Variants in CLEC16A observed in about 807,000 individuals in gnomAD.
CLEC16A encodes the protein protein CLEC16A.
CLEC16A carries 51 observed loss-of-function variants against 109.5 expected under a neutral mutation model. That is an observed-to-expected ratio of 0.47 (90% CI 0.37 to 0.59). The LOEUF (loss-of-function observed/expected upper bound fraction) is 0.59. CLEC16A is among the 20% of genes least tolerant of loss of function. CLEC16A has a pLI of 0.00. For synonymous variants in CLEC16A, 673 were observed against 564.2 expected (o/e 1.19, Z -2.73); for missense variants, 1,339 against 1,394.0 (o/e 0.96, Z 0.63).
intron 13 of CLEC16A, among the ~76,000 whole-genome samples, chr16:11,029,518 G>A (rs1250185352): frequency 6.7e-6 from 1 of 148,360 alleles, no homozygotes; most frequent in East Asian, 1.9e-4. Context: ...CTTTGCTGAG[G>A]CCCGGATACT....
Position 11,024,824 on chromosome 16 carries a change from CT to C in CLEC16A, c.1442del (p.Phe481SerfsTer39). The C allele has an allele frequency of 6.3e-7, 1 of 1,597,246 alleles. No homozygotes were observed. Among genetic ancestry groups the C allele is most frequent in the Non-Finnish European group, 8.5e-7 (1 of 1,171,450 alleles). ...CSESTQWSRPFLDMVYHALDS... is the reference protein window; with the variant it reads ...CSESTQWSRPXLDMVYHALDS... ...ACATGCCCCTCCTCTTTTCCAGACC[CT>C]TCCTGGATATGGTGTACCACGCGCT... On this transcript the variant is annotated frameshift_variant, in exon 13 of 24. Coordinates refer to ENST00000409790, the MANE Select transcript of CLEC16A (RefSeq NM_015226.3). LOFTEE classifies it high-confidence loss of function.
intron 2 of CLEC16A, among the ~76,000 whole-genome samples, chr16:10,959,556 T>G (rs1161518920): frequency 6.8e-6 from 1 of 146,748 alleles, no homozygotes; most frequent in Non-Finnish European, 1.5e-5. Flanking sequence ...CACGTGGGGC[T>G]AATTTTTGTA....
At chr16:11,027,519 C>G (rs1348370562) in intron 13 of CLEC16A, 84 of 1,575,790 alleles carry the variant, frequency 5.3e-5, no homozygotes, top group Non-Finnish European at 6.9e-6. Flanking sequence ...TAAGACCATC[C>G]CTCTGACAGA....
chr16:11,163,040 C>G (rs888417961), intron 22 of CLEC16A, among the ~76,000 whole-genome samples: 1 of 152,244 alleles, frequency 6.6e-6, no homozygotes, highest in East Asian at 1.9e-4. Flanking sequence ...CGCACGATCT[C>G]TGGCTTGTCT....
intron 8 of CLEC16A, 69 bp downstream of exon 8, chr16:10,977,468 C>T: frequency 7.4e-7 from 1 of 1,358,196 alleles, no homozygotes; most frequent in South Asian, 1.3e-5. Context: ...TCCCCAGTCC[C>T]CTGGAATGGG....
intron 10 of CLEC16A, among the ~76,000 whole-genome samples, chr16:10,993,022 T>C (rs1003275013): frequency 3.9e-5 from 6 of 151,952 alleles, no homozygotes; most frequent in South Asian, 2.1e-4. Context: ...GTTGGGTGTA[T>C]ATGGGATCAG....
intron 22 of CLEC16A, among the ~76,000 whole-genome samples, chr16:11,145,682 G>T (rs1305612229): frequency 6.6e-6 from 1 of 152,272 alleles, no homozygotes; most frequent in Non-Finnish European, 1.5e-5. Flanking sequence ...GACAGCAGGT[G>T]GCTGGATTTG....
chr16:11,157,844 G>GC (rs1264870454), intron 22 of CLEC16A, among the ~76,000 whole-genome samples: 1 of 152,090 alleles, frequency 6.6e-6, no homozygotes, highest in African/African-American at 2.4e-5. Context: ...TCCTAGGGTA[G>GC]CCCCCCACTG....
intron 19 of CLEC16A, among the ~76,000 whole-genome samples, chr16:11,104,012 A>G (rs966983774): frequency 1.3e-5 from 2 of 152,186 alleles, no homozygotes; most frequent in African/African-American, 4.8e-5. Flanking sequence ...AGGTCTGGCC[A>G]GCATCTGTGG....
At chr16:10,946,710 T>G (rs548106113) in intron 1 of CLEC16A, among the ~76,000 whole-genome samples, 1 of 152,360 alleles carries the variant, frequency 6.6e-6, no homozygotes, top group South Asian at 2.1e-4. Context: ...CCTTAATTTA[T>G]TAATTTATCG....
Position 10,980,663 on chromosome 16 carries a change from C to G in CLEC16A, c.957+1281C>G, listed in dbSNP as rs571903472. ...TGTAAAGGACCAGTAGCCCATGCACCCAATTACTTGTTTCAGTATCTCACA... is the reference window on the plus strand; with the variant it reads ...TGTAAAGGACCAGTAGCCCATGCACGCAATTACTTGTTTCAGTATCTCACA... On this transcript the variant is annotated intron_variant, in intron 9 of 23. Transcript: ENST00000409790. 2.7e-4 allele frequency among the ~76,000 whole-genome samples: 41 copies of G among 152,174 alleles called. No homozygotes were observed. The South Asian group carries it at 4.8e-3, about 18-fold the overall frequency.
intron 19 of CLEC16A, among the ~76,000 whole-genome samples, chr16:11,076,483 G>C (rs1215350354): frequency 6.6e-6 from 1 of 152,164 alleles, no homozygotes; most frequent in Admixed American, 6.5e-5. Flanking sequence ...TCTGTGAGCT[G>C]TCTGGGGCTC....
intron 2 of CLEC16A, among the ~76,000 whole-genome samples, chr16:10,960,776 T>C (rs1306282237): frequency 6.6e-6 from 1 of 152,228 alleles, no homozygotes; most frequent in Non-Finnish European, 1.5e-5. Context: ...TATATTAATA[T>C]GGACTCGTGG....
intron 19 of CLEC16A, among the ~76,000 whole-genome samples, chr16:11,086,625 C>T (rs1380715607): frequency 6.6e-6 from 1 of 152,148 alleles, no homozygotes; most frequent in Non-Finnish European, 1.5e-5. Context: ...TCACTGCAAC[C>T]TCCGCCTCCC....
intron 22 of CLEC16A, among the ~76,000 whole-genome samples, chr16:11,163,794 A>C (rs946552709): frequency 1.3e-5 from 2 of 152,190 alleles, no homozygotes; most frequent in Non-Finnish European, 2.9e-5. Context: ...GGGAGCATAC[A>C]AGGTGTAATC....
Position 11,178,595 on chromosome 16 carries a change from G to A in CLEC16A, c.3067G>A (p.Gly1023Ser), listed in dbSNP as rs200315863. The change falls in exon 24 of 24, where the codon GGC (glycine) becomes AGC (serine). Residue 1023 changes from glycine to serine, a missense_variant. Gly to Ser is a moderately conservative substitution (Grantham distance 56, BLOSUM62 0). Coordinates refer to ENST00000409790, the MANE Select transcript of CLEC16A (RefSeq NM_015226.3). This position sits in a 1 kb window ranked among gnomAD's most constrained non-coding sequence, Gnocchi z 6.5. ...CCCCCACAGCCTCCGCAGCCTCACC[G>A]GCATGCCCCCGCTGTCCACGCCGGC... Reference protein sequence around the residue: ...VDPHSLRSLTGMPPLSTPAAA... With the variant: ...VDPHSLRSLTSMPPLSTPAAA... 1.4e-5 allele frequency: 22 copies of A among 1,608,512 alleles called. No homozygotes were observed. Among genetic ancestry groups the A allele is most frequent in the Middle Eastern group, 1.6e-4 (1 of 6,076 alleles).
In CLEC16A at chr16:11,020,344, G is replaced by T. The variant is rs201357891; in HGVS notation, c.1436+19G>T. On this transcript the variant is annotated intron_variant, in intron 12 of 23. Coordinates refer to ENST00000409790, the MANE Select transcript of CLEC16A (RefSeq NM_015226.3). The stretch of plus-strand genomic sequence containing the variant: ...GGAGCAGGTAGCTGCCCGAGAGGTC[G>T]ATGCTGAGTGCTCTCTCAGGGAAGA... 6.3e-7 allele frequency: 1 copy of T among 1,591,442 alleles called. No individual in the cohort carries two copies. Among genetic ancestry groups the T allele is most frequent in the Non-Finnish European group, 8.6e-7 (1 of 1,169,120 alleles).
intron 1 of CLEC16A, among the ~76,000 whole-genome samples, chr16:10,946,054 G>A (rs925306841): frequency 2.0e-5 from 3 of 152,132 alleles, no homozygotes; most frequent in Non-Finnish European, 2.9e-5. Flanking sequence ...AGGTGTGGAG[G>A]ATGATGAAAA....
chr16:11,033,372 C>A (rs564209496), intron 13 of CLEC16A, among the ~76,000 whole-genome samples: 1 of 152,230 alleles, frequency 6.6e-6, no homozygotes, highest in East Asian at 1.9e-4. Context: ...AGTGCCATTT[C>A]CAGAACTAAC....
Sources: allele counts gnomAD v4.1 joint callset (sites outside exome capture counted in the v4.1 genomes callset), GRCh38; gene constraint gnomAD v4.1.1; non-coding constraint Gnocchi (gnomAD v3.1); transcripts MANE v1.5; gene names NCBI Gene and HGNC (gene_info 2026-07-23, HGNC 2026-07-21).